The following OPCML variants were observed in gnomAD, a reference collection of about 807,000 sequenced individuals.
The protein encoded by OPCML is opioid-binding protein/cell adhesion molecule.
Under a neutral mutation model 37.8 loss-of-function variants are expected in OPCML, and 13 were observed. That is an observed-to-expected ratio of 0.34 (90% CI 0.22 to 0.55). The LOEUF (loss-of-function observed/expected upper bound fraction) is 0.55. Ranked by LOEUF, OPCML falls within the 20% of genes least tolerant of loss-of-function variation. The pLI, the probability that OPCML is intolerant of heterozygous loss-of-function variation, is 0.91. For missense variants in OPCML, 341 were observed against 435.6 expected (o/e 0.78, Z 1.93); for synonymous variants, 176 against 168.8 (o/e 1.04, Z -0.33).
chr11:133,287,243 TA>T (rs1942323783), intron 1 of OPCML, among the ~76,000 whole-genome samples: 7 of 150,784 alleles, frequency 4.6e-5, no homozygotes, highest in African/African-American at 1.7e-4. Flanking sequence ...GTATTCAAAA[TA>T]TTTTTTTTAA....
chr11:133,327,601 C>A (rs1943505151), intron 1 of OPCML, among the ~76,000 whole-genome samples: 1 of 152,106 alleles, frequency 6.6e-6, no homozygotes. Flanking sequence ...ATTTTCCCTT[C>A]TTCTCTCAAT....
intron 1 of OPCML, among the ~76,000 whole-genome samples, chr11:133,182,138 C>G (rs1472334358): frequency 6.6e-6 from 1 of 152,132 alleles, no homozygotes; most frequent in East Asian, 1.9e-4. Context: ...ACTGTACTGC[C>G]CTCAGCTGAC....
intron 1 of OPCML, among the ~76,000 whole-genome samples, chr11:133,489,392 C>A (rs1947604282): frequency 6.7e-6 from 1 of 150,240 alleles, no homozygotes; most frequent in South Asian, 2.1e-4. Flanking sequence ...AATAAAAAAA[C>A]AAATAACCCC....
At chr11:132,997,075 G>A (rs145497534) in intron 1 of OPCML, among the ~76,000 whole-genome samples, 10 of 152,204 alleles carry the variant, frequency 6.6e-5, no homozygotes, top group African/African-American at 2.2e-4. Context: ...AGGATTAAAG[G>A]AGCCTTTTAC....
At chr11:132,579,385 A>ATGTGTGTGTGTG (rs66467384) in intron 3 of OPCML, among the ~76,000 whole-genome samples, 17 of 146,630 alleles carry the variant, frequency 1.2e-4, no homozygotes, top group South Asian at 1.1e-3. Context: ...TAGAATGAAT[A>ATGTGTGTGTGTG]TGTGTGTGTG....
chr11:132,980,331 T>C (rs1328774867), intron 1 of OPCML, among the ~76,000 whole-genome samples: 1 of 152,254 alleles, frequency 6.6e-6, no homozygotes, highest in Non-Finnish European at 1.5e-5. Context: ...TGCCAGTTTA[T>C]ATTAAATCTC....
At chr11:133,250,431 GAAGGAAGGAAGGAATT>G (rs1198404059) in intron 1 of OPCML, among the ~76,000 whole-genome samples, 2 of 146,158 alleles carry the variant, frequency 1.4e-5, no homozygotes, top group Non-Finnish European at 3.0e-5. Flanking sequence ...AGGAAAGAAG[GAAGGAAGGAAGGAATT>G]AAGGAAGGAA....
At chr11:132,454,846 G>A (rs554133289) in intron 4 of OPCML, among the ~76,000 whole-genome samples, 1 of 152,248 alleles carries the variant, frequency 6.6e-6, no homozygotes, top group African/African-American at 2.4e-5. Context: ...CCCCCTAGAA[G>A]GGATGTGATT....
intron 2 of OPCML, among the ~76,000 whole-genome samples, chr11:132,728,068 G>C (rs904085392): frequency 3.3e-5 from 5 of 152,216 alleles, no homozygotes; most frequent in Non-Finnish European, 5.9e-5. Context: ...CAGCATGGAC[G>C]TTTGATTTAC....
intron 1 of OPCML, among the ~76,000 whole-genome samples, chr11:133,531,548 A>G (rs1390354671): frequency 6.6e-6 from 1 of 152,206 alleles, no homozygotes; most frequent in Non-Finnish European, 1.5e-5. Flanking sequence ...TTTCAAGGGC[A>G]TAATCTGCCC....
At chr11:132,491,507 G>T (rs1366462337) in intron 4 of OPCML, among the ~76,000 whole-genome samples, 2 of 152,140 alleles carry the variant, frequency 1.3e-5, no homozygotes, top group African/African-American at 4.8e-5. Context: ...ATCTCAGTCA[G>T]GTCTCTGCTC....
At chr11:132,605,290 G>T (rs1189374110) in intron 3 of OPCML, among the ~76,000 whole-genome samples, 1 of 152,086 alleles carries the variant, frequency 6.6e-6, no homozygotes, top group Admixed American at 6.5e-5. Flanking sequence ...GGGCACGGTG[G>T]CTCACGCCTG....
intron 1 of OPCML, among the ~76,000 whole-genome samples, chr11:133,106,550 T>A (rs1423191039): frequency 6.6e-6 from 1 of 152,196 alleles, no homozygotes; most frequent in Non-Finnish European, 1.5e-5. Flanking sequence ...TAATTGTGTA[T>A]ATGGGGCTGC....
At chr11:133,407,442 T>C (rs981789070) in intron 1 of OPCML, among the ~76,000 whole-genome samples, 2 of 152,096 alleles carry the variant, frequency 1.3e-5, no homozygotes, top group African/African-American at 4.8e-5. Flanking sequence ...GAGAGCTTCA[T>C]TATGGAAACT....
chr11:133,140,919 AGACGACGAC>A (rs1220767440), intron 1 of OPCML, among the ~76,000 whole-genome samples: 2 of 17,604 alleles, frequency 1.1e-4, no homozygotes, highest in Admixed American at 9.8e-4. Context: ...AAGAAGAAGA[AGACGACGAC>A]GACGAAGAAG....
chr11:133,288,176 C>T (rs1942358720), intron 1 of OPCML, among the ~76,000 whole-genome samples: 1 of 152,178 alleles, frequency 6.6e-6, no homozygotes, highest in Admixed American at 6.5e-5. Context: ...GACCTCTGTC[C>T]TTCCACAGGC....
At chr11:132,672,198 C>T (rs1255370308) in intron 2 of OPCML, among the ~76,000 whole-genome samples, 2 of 152,152 alleles carry the variant, frequency 1.3e-5, no homozygotes, top group East Asian at 1.9e-4. Context: ...AGAAGGGTCC[C>T]CTTCTACTCA....
intron 2 of OPCML, among the ~76,000 whole-genome samples, chr11:132,887,240 T>C (rs950191254): frequency 6.6e-6 from 1 of 152,180 alleles, no homozygotes; most frequent in African/African-American, 2.4e-5. Flanking sequence ...AACACTAGCC[T>C]AGGAGCAGTC....
At chr11:132,828,626 G>GAA (rs56970901) in intron 2 of OPCML, among the ~76,000 whole-genome samples, 3 of 151,086 alleles carry the variant, frequency 2.0e-5, no homozygotes, top group Non-Finnish European at 4.4e-5. Flanking sequence ...TTCACCAACA[G>GAA]AAAAAAAAAG....
Sources: gnomAD v4.1 joint callset for allele counts (sites outside exome capture counted in the v4.1 genomes callset) on GRCh38, gnomAD v4.1.1 for gene constraint, MANE v1.5 for transcripts, NCBI Gene and HGNC (gene_info 2026-07-23, HGNC 2026-07-21) for gene names.